ZNF148: variants seen among roughly 807,000 people sequenced by gnomAD.
ZNF148 encodes the protein zinc finger protein 148.
In ZNF148, 7 loss-of-function variants were observed where a neutral mutation model predicts 67.7. The observed-to-expected ratio is 0.10, with a 90% CI of 0.06 to 0.19. The LOEUF (loss-of-function observed/expected upper bound fraction) is 0.19, where lower values mean the gene tolerates loss of function less well. ZNF148 is among the 10% of genes least tolerant of loss of function. The pLI, the probability that ZNF148 is intolerant of heterozygous loss-of-function variation, is 1.00. For missense variants in ZNF148, 583 were observed against 947.1 expected, an observed-to-expected ratio of 0.62 and a Z score of 5.05; for synonymous variants, 333 against 330.7, an observed-to-expected ratio of 1.01 and a Z score of -0.08.
chr3:125,263,550 C>CA (rs35704064), intron 7 of ZNF148, among the ~76,000 whole-genome samples: 98,898 of 147,156 alleles, frequency 0.67, 33,507 homozygotes, highest in Middle Eastern at 0.77. Flanking sequence ...GACTCTGTCT[C>CA]AAAAAAAAAA....
intron 5 of ZNF148, among the ~76,000 whole-genome samples, chr3:125,279,488 C>T (rs1938259543): frequency 6.6e-6 from 1 of 152,096 alleles, no homozygotes; most frequent in South Asian, 2.1e-4. Flanking sequence ...AGTAAGATCT[C>T]ATCACGGCCT....
intron 1 of ZNF148, chr3:125,356,839 C>T (rs951291199): frequency 1.3e-4 from 20 of 152,206 alleles, no homozygotes; most frequent in Admixed American, 3.9e-4. Flanking sequence ...GTTTGCCCCA[C>T]AGCCCAATTC....
chr3:125,361,578 T>A (rs1412019323), intron 1 of ZNF148, among the ~76,000 whole-genome samples: 1 of 152,054 alleles, frequency 6.6e-6, no homozygotes, highest in East Asian at 1.9e-4. Context: ...ACGTCTGTAA[T>A]CCCAACACTT....
At chr3:125,258,337 A>G (rs987963355) in intron 7 of ZNF148, among the ~76,000 whole-genome samples, 1 of 139,494 alleles carries the variant, frequency 7.2e-6, no homozygotes, top group Non-Finnish European at 1.5e-5. Flanking sequence ...AGGCAGGAGA[A>G]TGGCGTGAAC....
At chr3:125,279,093 G>A (rs758289369) in intron 6 of ZNF148, 31 bp downstream of exon 6, 19 of 1,559,682 alleles carry the variant, frequency 1.2e-5, no homozygotes, top group Admixed American at 1.9e-5. Context: ...TAACTTTAAT[G>A]GCCACAAGCC....
At chr3:125,262,463 G>A (rs148955170) in intron 7 of ZNF148, among the ~76,000 whole-genome samples, 316 of 152,312 alleles carry the variant, frequency 2.1e-3, no homozygotes, top group Non-Finnish European at 3.9e-3. Flanking sequence ...CTAACTGATA[G>A]CATAGGAAGT....
intron 1 of ZNF148, among the ~76,000 whole-genome samples, chr3:125,345,134 A>G (rs1293079495): frequency 6.6e-6 from 1 of 152,156 alleles, no homozygotes. Flanking sequence ...TTAAGTACCC[A>G]TGGAACATTC....
intron 7 of ZNF148, among the ~76,000 whole-genome samples, chr3:125,276,860 C>T (rs1038190247): frequency 6.6e-5 from 10 of 152,168 alleles, no homozygotes; most frequent in Admixed American, 5.9e-4. Context: ...TTCACAAATA[C>T]TGCAGGTCCC....
intron 7 of ZNF148, among the ~76,000 whole-genome samples, chr3:125,260,251 G>C (rs1332944224): frequency 6.6e-6 from 1 of 151,998 alleles, no homozygotes; most frequent in Admixed American, 6.6e-5. Context: ...CACGCTGCTG[G>C]AAACATGATG....
At position 125,232,769 on chromosome 3, in the gene ZNF148, T is replaced by C. The variant is rs563394589; in HGVS notation, c.1957A>G (p.Thr653Ala). ...GATCGAAAGCTATTGATGGGCATGG[T>C]GGCATAGACCTGCTTGTCTATGGAA... is the stretch of plus-strand genomic sequence containing the variant. ...FSSIDKQVYA[T>A]MPINSFRSGM... Residue 653 changes from threonine to alanine, a missense_variant, in exon 9 of 9, where the codon ACC (threonine) becomes GCC (alanine). By Grantham distance (58) the Thr-to-Ala change is moderately conservative (BLOSUM62 0). Around this residue, in one of 5 missense-constraint regions of ZNF148, gnomAD observed 158 missense variants for 208.4 expected, o/e 0.76. Transcript: ENST00000360647. This position sits in a 1 kb window ranked among gnomAD's most constrained non-coding sequence, Gnocchi z 4.2. 1 of 1,613,806 alleles carries C rather than the reference T, an allele frequency of 6.2e-7. No homozygotes were observed. Among genetic ancestry groups the C allele is most frequent in the Non-Finnish European group, 8.5e-7 (1 of 1,179,846 alleles).
At chr3:125,268,273 T>C (rs1579662910) in intron 7 of ZNF148, among the ~76,000 whole-genome samples, 1 of 128,170 alleles carries the variant, frequency 7.8e-6, no homozygotes. Flanking sequence ...GCCAAAGCAA[T>C]CCTAGCCAAA....
intron 4 of ZNF148, among the ~76,000 whole-genome samples, chr3:125,306,547 G>GA (rs1939887996): frequency 1.3e-5 from 2 of 151,998 alleles, no homozygotes; most frequent in Non-Finnish European, 2.9e-5. Flanking sequence ...ACTTATTCAA[G>GA]AAAAAATGTT....
chr3:125,323,696 C>A (rs1404878509), intron 2 of ZNF148, among the ~76,000 whole-genome samples: 1 of 152,148 alleles, frequency 6.6e-6, no homozygotes, highest in East Asian at 1.9e-4. Flanking sequence ...CGCAGTTGCT[C>A]ACGCCTGTAA....
chr3:125,362,393 T>C (rs1942570347), intron 1 of ZNF148, among the ~76,000 whole-genome samples: 1 of 152,096 alleles, frequency 6.6e-6, no homozygotes, highest in African/African-American at 2.4e-5. Context: ...AATCAATTCC[T>C]GTATTTATTG....
chr3:125,337,438 G>A (rs941863408), intron 1 of ZNF148, among the ~76,000 whole-genome samples: 1 of 152,154 alleles, frequency 6.6e-6, no homozygotes, highest in Non-Finnish European at 1.5e-5. Context: ...TCCTTCCCCA[G>A]ATAATGTAAA....
chr3:125,371,821 T>C (rs1942897337), intron 1 of ZNF148, among the ~76,000 whole-genome samples: 1 of 151,874 alleles, frequency 6.6e-6, no homozygotes, highest in Non-Finnish European at 1.5e-5. Flanking sequence ...TCCCAGCATT[T>C]TGGGAGACGG....
intron 7 of ZNF148, among the ~76,000 whole-genome samples, chr3:125,238,586 C>T (rs1936200623): frequency 6.6e-6 from 1 of 152,144 alleles, no homozygotes; most frequent in African/African-American, 2.4e-5. Flanking sequence ...CGAGATCACA[C>T]CACTGTACTC....
chr3:125,302,415 A>G (rs1939642821), intron 4 of ZNF148, among the ~76,000 whole-genome samples: 1 of 152,050 alleles, frequency 6.6e-6, no homozygotes, highest in South Asian at 2.1e-4. Context: ...AAAAAAAAGT[A>G]CATTAATGAA....
chr3:125,271,298 G>A (rs1314123112), intron 7 of ZNF148, among the ~76,000 whole-genome samples: 1 of 152,060 alleles, frequency 6.6e-6, no homozygotes, highest in Non-Finnish European at 1.5e-5. Context: ...GCTTTCCTCA[G>A]AATGGCCATT....
Sources: allele counts gnomAD v4.1 joint callset (sites outside exome capture counted in the v4.1 genomes callset), GRCh38; gene constraint gnomAD v4.1.1; regional missense constraint gnomAD v4.1.1; non-coding constraint Gnocchi (gnomAD v3.1); transcripts MANE v1.5; gene names NCBI Gene and HGNC (gene_info 2026-07-23, HGNC 2026-07-21).